Variants in GAS2 observed in about 807,000 individuals in gnomAD.
GAS2 encodes growth arrest specific 2, also known as growth arrest-specific protein 2.
GAS2 carries 20 observed loss-of-function variants against 37.5 expected under a neutral mutation model. The ratio of observed to expected loss-of-function variants is 0.53; its 90% CI spans 0.37 to 0.77. The LOEUF (loss-of-function observed/expected upper bound fraction) is 0.77, where lower values mean the gene tolerates loss of function less well. Among genes scored for constraint, GAS2 ranks in the 30% least tolerant of loss-of-function variants. The pLI, the probability that GAS2 is intolerant of heterozygous loss-of-function variation, is 0.00. For missense variants in GAS2, 336 were observed against 373.4 expected (o/e 0.90, Z 0.82); for synonymous variants, 144 against 132.2 (o/e 1.09, Z -0.61).
At chr11:22,778,581 A>G (rs1215697933) in intron 7 of GAS2, among the ~76,000 whole-genome samples, 2 of 152,256 alleles carry the variant, frequency 1.3e-5, no homozygotes, top group African/African-American at 2.4e-5. Context: ...AGAGCGGGAA[A>G]AGCAGTTTAG....
chr11:22,710,424 G>A (rs532531332), intron 3 of GAS2, among the ~76,000 whole-genome samples: 31 of 151,908 alleles, frequency 2.0e-4, no homozygotes, highest in African/African-American at 7.2e-4. Context: ...ATGATGTCAT[G>A]GAACATGCAG....
intron 7 of GAS2, among the ~76,000 whole-genome samples, chr11:22,789,668 C>T (rs1277804125): frequency 8.6e-5 from 13 of 150,310 alleles, no homozygotes; most frequent in Admixed American, 5.3e-4. Flanking sequence ...GGTTTCACCG[C>T]GTTAACCAGA....
chr11:22,782,193 A>G (rs1370102807), intron 7 of GAS2, among the ~76,000 whole-genome samples: 2 of 152,174 alleles, frequency 1.3e-5, no homozygotes, highest in African/African-American at 4.8e-5. Context: ...GAATTCCCTC[A>G]TCTATATAAA....
chr11:22,771,089 C>CT (rs35633661), intron 7 of GAS2, among the ~76,000 whole-genome samples: 77 of 145,284 alleles, frequency 5.3e-4, no homozygotes, highest in Admixed American at 8.3e-4. Flanking sequence ...TAATATTTTA[C>CT]TTTTTTTTTT....
chr11:22,685,641 T>C, intron 2 of GAS2, 27 bp from the exon 3 acceptor site: 2 of 1,603,824 alleles, frequency 1.2e-6, no homozygotes, highest in Non-Finnish European at 1.7e-6. Context: ...GATTTTCCTT[T>C]TATAATGCTT....
intron 6 of GAS2, among the ~76,000 whole-genome samples, chr11:22,753,875 T>A (rs1853874636): frequency 6.6e-6 from 1 of 152,108 alleles, no homozygotes; most frequent in Non-Finnish European, 1.5e-5. Context: ...ATAGACAACA[T>A]TCATTGGTCC....
At chr11:22,637,202 A>G (rs1320119363) in intron 1 of GAS2, among the ~76,000 whole-genome samples, 1 of 120,396 alleles carries the variant, frequency 8.3e-6, no homozygotes, top group African/African-American at 3.3e-5. Flanking sequence ...TTATATTAAT[A>G]TATTACTTAT....
intron 5 of GAS2, among the ~76,000 whole-genome samples, chr11:22,746,670 G>A (rs1236435693): frequency 6.6e-6 from 1 of 152,056 alleles, no homozygotes; most frequent in African/African-American, 2.4e-5. Context: ...TGGACATAAA[G>A]ATGGGAACAA....
chr11:22,804,457 A>C (rs1157830310), intron 7 of GAS2, among the ~76,000 whole-genome samples: 1 of 152,114 alleles, frequency 6.6e-6, no homozygotes, highest in Non-Finnish European at 1.5e-5. Flanking sequence ...TATTTGATAC[A>C]TTAGAAGCCG....
chr11:22,628,003 A>G (rs1184333074), intron 1 of GAS2, among the ~76,000 whole-genome samples: 1 of 152,188 alleles, frequency 6.6e-6, no homozygotes, highest in South Asian at 2.1e-4. Flanking sequence ...TATGCAGATT[A>G]ACTTTAGCTT....
At chr11:22,784,950 A>G (rs1339215445) in intron 7 of GAS2, among the ~76,000 whole-genome samples, 1 of 152,134 alleles carries the variant, frequency 6.6e-6, no homozygotes, top group East Asian at 1.9e-4. Context: ...GGTTCCAGTA[A>G]ACCTGACACA....
At chr11:22,747,646 T>C (rs1458185785) in intron 5 of GAS2, among the ~76,000 whole-genome samples, 1 of 152,100 alleles carries the variant, frequency 6.6e-6, no homozygotes, top group Non-Finnish European at 1.5e-5. Context: ...ACATGCTTGG[T>C]GTCTTTAACA....
At chr11:22,693,056 C>T (rs560512571) in intron 3 of GAS2, among the ~76,000 whole-genome samples, 3 of 151,984 alleles carry the variant, frequency 2.0e-5, no homozygotes, top group African/African-American at 2.4e-5. Flanking sequence ...TTTATGAAAC[C>T]GTCTGGTTTC....
chr11:22,629,055 T>C (rs1469866548), intron 1 of GAS2, among the ~76,000 whole-genome samples: 1 of 152,112 alleles, frequency 6.6e-6, no homozygotes, highest in Admixed American at 6.5e-5. Context: ...ATATAACTTT[T>C]TTATCCACTT....
chr11:22,689,417 G>A (rs1340254515), intron 3 of GAS2, among the ~76,000 whole-genome samples: 1 of 152,070 alleles, frequency 6.6e-6, no homozygotes, highest in Non-Finnish European at 1.5e-5. Context: ...ATATATTCAC[G>A]ACTGACTGCC....
At chr11:22,704,601 A>ATG in intron 3 of GAS2, among the ~76,000 whole-genome samples, 1 of 140,080 alleles carries the variant, frequency 7.1e-6, no homozygotes, top group South Asian at 2.3e-4. Flanking sequence ...ATATATATAT[A>ATG]TATATATATA....
intron 1 of GAS2, among the ~76,000 whole-genome samples, chr11:22,644,886 A>G (rs1316082168): frequency 6.6e-6 from 1 of 152,170 alleles, no homozygotes; most frequent in Non-Finnish European, 1.5e-5. Flanking sequence ...AGCCTCCCAA[A>G]GTGCTGGGAT....
intron 1 of GAS2, among the ~76,000 whole-genome samples, chr11:22,650,839 T>C (rs1364723530): frequency 6.6e-6 from 1 of 151,916 alleles, no homozygotes; most frequent in East Asian, 1.9e-4. Flanking sequence ...GTTTCCTGAA[T>C]ACAGCACACT....
At chr11:22,662,782 G>A (rs914278089), upstream of GAS2, among the ~76,000 whole-genome samples, 50 of 152,140 alleles carry the variant, frequency 3.3e-4, no homozygotes, top group Non-Finnish European at 6.6e-4. Flanking sequence ...AACTTTGGAG[G>A]GTTGGGGTAG....
Sources: allele counts gnomAD v4.1 joint callset (sites outside exome capture counted in the v4.1 genomes callset), GRCh38; gene constraint gnomAD v4.1.1; transcripts MANE v1.5; gene names NCBI Gene and HGNC (gene_info 2026-07-23, HGNC 2026-07-21).